The following CDK11B variants were observed in gnomAD, a reference collection of about 807,000 sequenced individuals.
CDK11B encodes cyclin-dependent kinase 11B.
Under a neutral mutation model 84.0 loss-of-function variants are expected in CDK11B, and 37 were observed. The ratio of observed to expected loss-of-function variants is 0.44; its 90% CI spans 0.34 to 0.58. The LOEUF (loss-of-function observed/expected upper bound fraction) is 0.58, where lower values mean the gene tolerates loss of function less well. Among genes scored for constraint, CDK11B ranks in the 20% least tolerant of loss-of-function variants. The probability of loss-of-function intolerance (pLI) is 0.02; values close to 1 mark genes in which losing one functional copy is unlikely to be tolerated. For synonymous variants in CDK11B, 269 were observed against 309.8 expected (o/e 0.87, Z 1.38); for missense variants, 427 against 834.0 (o/e 0.51, Z 6.01).
At position 1,636,352 on chromosome 1, in the gene CDK11B, C is replaced by T. The variant is rs1223716962; in HGVS notation, c.2047G>A (p.Gly683Ser). The T allele has an allele frequency of 6.3e-7, 1 of 1,582,374 alleles. No homozygotes were observed. Among genetic ancestry groups the T allele is most frequent in the Non-Finnish European group, 8.6e-7 (1 of 1,164,166 alleles). The change falls in exon 18 of 20, where the codon GGC (glycine) becomes AGC (serine). Residue 683 changes from glycine (G) to serine (S), a missense_variant. Gly to Ser is a moderately conservative substitution (Grantham distance 56, BLOSUM62 0). Around this residue, in one of 12 missense-constraint regions of CDK11B, gnomAD observed 170 missense variants for 196.0 expected, o/e 0.87. Transcript: ENST00000341832. Reference protein sequence around the residue: ...KRFGALLSDQGFDLMNKFLTY... With the variant: ...KRFGALLSDQSFDLMNKFLTY... ...GCTCACTTGTTCATGAGGTCGAAGC[C>T]CTGGTCTGAGAGCAGAGCCCCGAAG...
chr1:1,654,652 CT>C lies in CDK11B; in HGVS notation c.227+716del, dbSNP rs949028740. 2.7e-3 allele frequency among the ~76,000 whole-genome samples: 348 copies of C among 129,380 alleles called. 8 individuals carry two copies. Among genetic ancestry groups the C allele is most frequent in the Admixed American group, 0.023 (307 of 13,182 alleles). The allele number at this position is 129,380 out of a possible 152,430, so 84.9% of individuals were successfully genotyped here. ...GCATTCTACTTTATTTGTGCAAAAT[CT>C]TTTTTTTCCTTTTTTTTTTTTTAGA... On this transcript the variant is annotated intron_variant, in intron 3 of 19. Coordinates refer to ENST00000341832, the MANE Select transcript of CDK11B (RefSeq NM_033486.3).
In CDK11B at chr1:1,653,213, C is replaced by T. The variant is rs138072557; in HGVS notation, c.228-647G>A. On this transcript the variant is annotated intron_variant, in intron 3 of 19. Coordinates refer to ENST00000341832, the MANE Select transcript of CDK11B (RefSeq NM_033486.3). The stretch of plus-strand genomic sequence containing the variant: ...CTAATTTTTTTATTTTTAGTAGAGA[C>T]GGGGTTTCACCATATTGGTCAGGCT... Among the ~76,000 whole-genome samples the T allele has an allele frequency of 3.6e-3, 543 of 151,176 alleles. 9 individuals are homozygous for T. Among genetic ancestry groups the T allele is most frequent in the African/African-American group, 0.012 (507 of 41,050 alleles).
At chr1:1,639,247 C>G (rs1056362563) in intron 11 of CDK11B, among the ~76,000 whole-genome samples, 4 of 151,784 alleles carry the variant, frequency 2.6e-5, no homozygotes, top group African/African-American at 4.8e-5. Context: ...GGTCAAAACT[C>G]CTTTCTACAA....
chr1:1,638,935 CTA>C (rs1294503304), intron 11 of CDK11B, among the ~76,000 whole-genome samples: 7 of 141,284 alleles, frequency 5.0e-5, no homozygotes, highest in African/African-American at 1.9e-4. Flanking sequence ...ACTCTGTTTT[CTA>C]TTTTTTTTTT....
chr1:1,639,026 C>T (rs1639837439), intron 11 of CDK11B, among the ~76,000 whole-genome samples: 1 of 149,060 alleles, frequency 6.7e-6, no homozygotes, highest in African/African-American at 2.5e-5. Flanking sequence ...CTGCAACCTC[C>T]ACCTCCTGGG....
At chr1:1,649,428 T>TCTTCATTTCTAGGATGGGACAC in intron 5 of CDK11B, 71 bp downstream of exon 5, 1 of 1,204,818 alleles carries the variant, frequency 8.3e-7, no homozygotes, top group Non-Finnish European at 1.2e-6. Context: ...GCCAAATTCT[T>TCTTCATTTCTAGGATGGGACAC]CTTCATTTCT....
chr1:1,658,089 G>C (rs1312813403), intron 1 of CDK11B, among the ~76,000 whole-genome samples: 1 of 146,996 alleles, frequency 6.8e-6, no homozygotes, highest in African/African-American at 2.6e-5. Flanking sequence ...CAGCAGAATC[G>C]CTTGAATCCG....
At chr1:1,648,752 T>C (rs1313807022) in intron 5 of CDK11B, among the ~76,000 whole-genome samples, 3 of 152,146 alleles carry the variant, frequency 2.0e-5, no homozygotes, top group Non-Finnish European at 4.4e-5. Context: ...AATTCCAGAC[T>C]GTTTCAAGGT....
Position 1,652,326 on chromosome 1 carries a change from C to G in CDK11B, c.355+113G>C, listed in dbSNP as rs1642126084. ...GTCTGTGACACACGTATGCTTTCAG[C>G]TAGAGTTTGCTTTCTCTGGTTTTTC... On this transcript the variant is annotated intron_variant, in intron 4 of 19. Coordinates refer to ENST00000341832, the MANE Select transcript of CDK11B (RefSeq NM_033486.3). The G allele has an allele frequency of 1.8e-5, 16 of 902,184 alleles. 1 individual carries two copies. The South Asian group carries it at 3.6e-4, about 20-fold the overall frequency. 55.9% of individuals were successfully genotyped at this position (902,184 alleles called of 1,614,324 possible). A position where few individuals can be genotyped will look rare whatever the true frequency, so the allele number is the denominator to read the frequency against.
At position 1,636,111 on chromosome 1, in the gene CDK11B, G is replaced by A. The variant is rs1639230774; in HGVS notation, c.2082C>T (p.Phe694=). The stretch of plus-strand genomic sequence containing the variant: ...CCTCAGCGCTGATCCTCCTCCCGGG[G>A]AAGTAGGTCAGGAACCTGGGGGGAG... ...FDLMNKFLTY[F]PGRRISAEDG... The change falls in exon 19 of 20, where the codon TTC becomes TTT. Residue 694 remains phenylalanine (F), a synonymous_variant. Coordinates refer to ENST00000341832, the MANE Select transcript of CDK11B (RefSeq NM_033486.3). The A allele has an allele frequency of 1.9e-6, 1 of 532,260 alleles. No individual in the cohort carries two copies. The highest frequency in any genetic ancestry group is 3.3e-6 in the Non-Finnish European group (1 of 307,048). 33.0% of individuals were successfully genotyped at this position (532,260 alleles called of 1,614,324 possible). A position where few individuals can be genotyped will look rare whatever the true frequency, so the allele number is the denominator to read the frequency against.
chr1:1,656,606 C>T (rs957671459), intron 2 of CDK11B, among the ~76,000 whole-genome samples: 9 of 151,990 alleles, frequency 5.9e-5, no homozygotes, highest in African/African-American at 1.4e-4. Flanking sequence ...TGGCTGACAC[C>T]GTGAGACCCC....
chr1:1,640,187 C>T (rs1362124384), intron 11 of CDK11B, 90 bp downstream of exon 11: 119 of 1,460,908 alleles, frequency 8.1e-5, no homozygotes, highest in Non-Finnish European at 1.0e-4. Flanking sequence ...AGGCGACAGA[C>T]GCCAACACGG....
chr1:1,645,971 T>C (rs1324585926), intron 5 of CDK11B: 1 of 425,304 alleles, frequency 2.4e-6, no homozygotes. Flanking sequence ...CCCGAGTAGC[T>C]GGGATTACAG....
chr1:1,641,263 C>CT, intron 9 of CDK11B, 150 bp from the exon 10 acceptor site: 1 of 1,285,708 alleles, frequency 7.8e-7, no homozygotes, highest in Admixed American at 2.4e-5. Flanking sequence ...AATCCCAGCG[C>CT]TTTGGGAGGC....
intron 5 of CDK11B, among the ~76,000 whole-genome samples, chr1:1,648,257 C>T (rs1399131738): frequency 6.6e-6 from 1 of 152,196 alleles, no homozygotes; most frequent in East Asian, 1.9e-4. Flanking sequence ...CAAATTTCAT[C>T]TACCAACCTC....
intron 2 of CDK11B, among the ~76,000 whole-genome samples, chr1:1,655,886 A>G (rs1570247877): frequency 6.6e-6 from 1 of 151,992 alleles, no homozygotes; most frequent in East Asian, 1.9e-4. Context: ...CGTATCAGGG[A>G]AAACAAACAA....
intron 5 of CDK11B, chr1:1,646,056 T>G (rs1377746697): frequency 2.2e-6 from 1 of 460,462 alleles, no homozygotes; most frequent in Non-Finnish European, 4.3e-6. Flanking sequence ...TTTCTAATAT[T>G]TCTTAACATC....
intron 4 of CDK11B, among the ~76,000 whole-genome samples, chr1:1,650,417 G>C (rs1327511741): frequency 1.2e-3 from 170 of 140,218 alleles, no homozygotes; most frequent in Non-Finnish European, 1.6e-3. Flanking sequence ...CCAGGCTGGA[G>C]TGCAGTGGCG....
chr1:1,654,954 G>A (rs573231720), intron 3 of CDK11B, among the ~76,000 whole-genome samples: 7 of 152,168 alleles, frequency 4.6e-5, no homozygotes, highest in South Asian at 2.1e-4. Context: ...CACCGCGCCC[G>A]GCCTTTTTTT....
Sources: allele counts gnomAD v4.1 joint callset (sites outside exome capture counted in the v4.1 genomes callset), GRCh38; gene constraint gnomAD v4.1.1; regional missense constraint gnomAD v4.1.1; transcripts MANE v1.5; gene names NCBI Gene and HGNC (gene_info 2026-07-23, HGNC 2026-07-21).